PAH: variants seen among roughly 807,000 people sequenced by gnomAD.
The protein encoded by PAH is phenylalanine-4-hydroxylase.
PAH carries 64 observed loss-of-function variants against 62.0 expected under a neutral mutation model. The ratio of observed to expected loss-of-function variants is 1.03; its 90% CI spans 0.84 to 1.27. The LOEUF (loss-of-function observed/expected upper bound fraction) is 1.27, where lower values mean the gene tolerates loss of function less well. PAH is among the 50% of genes most tolerant of loss of function. The probability of loss-of-function intolerance (pLI) is 0.00; values close to 1 mark genes in which losing one functional copy is unlikely to be tolerated. For synonymous variants in PAH, 195 were observed against 196.2 expected, an observed-to-expected ratio of 0.99 and a Z score of 0.05; for missense variants, 579 against 542.8, an observed-to-expected ratio of 1.07 and a Z score of -0.66.
rs564518414 is a variant in PAH, at chr12:102,937,973, G to C, written c.-96+12616C>G. ...CTAGGATAAACATTTTTTTCCAGAG[G>C]GTAGGTGCCAAGATGGCTGACCGAA... On this transcript the variant is annotated intron_variant, in intron 1 of 3. Transcript: ENST00000546844. Among the ~76,000 whole-genome samples, 8 of 152,200 alleles carry C rather than the reference G, an allele frequency of 5.3e-5. No individual in the cohort carries two copies. The East Asian group carries it at 1.5e-3, about 29-fold the overall frequency.
At chr12:102,850,794 A>G (rs983037063) in intron 8 of PAH, among the ~76,000 whole-genome samples, 1 of 152,022 alleles carries the variant, frequency 6.6e-6, no homozygotes, top group African/African-American at 2.4e-5. Flanking sequence ...TCAGCCCAAA[A>G]CTTTCTTTTT....
chr12:102,861,271 C>T (rs1193654518), intron 5 of PAH, among the ~76,000 whole-genome samples: 1 of 152,170 alleles, frequency 6.6e-6, no homozygotes, highest in East Asian at 1.9e-4. Context: ...CAAATCAAAA[C>T]CACAGTGAGA....
rs1399391938 is a variant in PAH at position 102,957,561 on chromosome 12, A to G, written c.-96+634T>C. 8.3e-4 allele frequency: 27 copies of G among 32,572 alleles called. No individual in the cohort carries two copies. The highest frequency in any genetic ancestry group is 0.017 in the Middle Eastern group (1 of 58). The allele number at this position is 32,572 out of a possible 1,614,324, so 2.0% of individuals were successfully genotyped here. A position where few individuals can be genotyped will look rare whatever the true frequency, so the allele number is the denominator to read the frequency against. ...AGGAAGAGGTAAGAGGAGGGGGGGGAGTGGGGGCTGCAGCCGCTCGCTGCA... is the reference window on the plus strand; with the variant it reads ...AGGAAGAGGTAAGAGGAGGGGGGGGGGTGGGGGCTGCAGCCGCTCGCTGCA... On this transcript the variant is annotated intron_variant, in intron 1 of 4. Coordinates refer to the PAH transcript ENST00000551337. This position sits in a 1 kb window ranked among gnomAD's most constrained non-coding sequence, Gnocchi z 4.1.
intron 3 of PAH, among the ~76,000 whole-genome samples, chr12:102,879,290 G>A (rs914984601): frequency 1.3e-5 from 2 of 151,910 alleles, no homozygotes; most frequent in Non-Finnish European, 2.9e-5. Context: ...AGCAAAGGGC[G>A]CCGCTCAGCG....
At chr12:102,908,662 CATATGAA>C (rs1182446060) in intron 2 of PAH, among the ~76,000 whole-genome samples, 7 of 51,704 alleles carry the variant, frequency 1.4e-4, no homozygotes, top group Non-Finnish European at 2.3e-4. Context: ...CCATTATGAA[CATATGAA>C]CATCTTACAT....
In PAH at chr12:102,903,198, TA is replaced by T. The variant is rs553210084; in HGVS notation, c.169-8281del. ...CAACATAGTGAAACCCCGTCTCAAC[TA>T]AAAATACAAAAATTAGCCAGGCATA... On this transcript the variant is annotated intron_variant, in intron 2 of 12. Coordinates refer to ENST00000553106, the MANE Select transcript of PAH (RefSeq NM_000277.3). Among the ~76,000 whole-genome samples, 5 of 152,040 alleles carry T rather than the reference TA, an allele frequency of 3.3e-5. No individual in the cohort carries two copies. The East Asian group carries it at 9.7e-4, about 29-fold the overall frequency.
At chr12:102,936,247 T>C (rs1879094987) in intron 1 of PAH, among the ~76,000 whole-genome samples, 1 of 152,154 alleles carries the variant, frequency 6.6e-6, no homozygotes, top group Non-Finnish European at 1.5e-5. Context: ...TCAGAGAAGA[T>C]ACTTAATATA....
chr12:102,949,274 T>C (rs1472643624), intron 1 of PAH, among the ~76,000 whole-genome samples: 1 of 152,160 alleles, frequency 6.6e-6, no homozygotes, highest in Non-Finnish European at 1.5e-5. Context: ...CCAAGAGCCA[T>C]AATCCTGGCA....
chr12:102,879,026 C>T (rs1028710436), intron 3 of PAH, among the ~76,000 whole-genome samples: 5 of 151,968 alleles, frequency 3.3e-5, no homozygotes, highest in East Asian at 3.9e-4. Flanking sequence ...GAAATGAGGT[C>T]GAGGGGAAGA....
At chr12:102,924,464 TA>T (rs543303665) in intron 1 of PAH, among the ~76,000 whole-genome samples, 92 of 152,314 alleles carry the variant, frequency 6.0e-4, no homozygotes, top group Non-Finnish European at 1.2e-3. Context: ...ATGGCATTTC[TA>T]TATATCTTGG....
At chr12:102,951,059 G>T (rs746198219), upstream of PAH, among the ~76,000 whole-genome samples, 9 of 56,512 alleles carry the variant, frequency 1.6e-4, no homozygotes, top group Non-Finnish European at 2.5e-4. Context: ...GTTTGTGCGT[G>T]GGGGGGGAAG....
At chr12:102,856,935 T>A (rs1013353605) in intron 5 of PAH, among the ~76,000 whole-genome samples, 32 of 152,252 alleles carry the variant, frequency 2.1e-4, no homozygotes, top group African/African-American at 7.5e-4. Context: ...CCTCTCCCCG[T>A]CCAAAGGAAC....
At chr12:102,889,809 G>A (rs1440288112) in intron 3 of PAH, among the ~76,000 whole-genome samples, 1 of 152,194 alleles carries the variant, frequency 6.6e-6, no homozygotes, top group Admixed American at 6.5e-5. Context: ...CTCTCTCCAC[G>A]TAGGAATTTT....
chr12:102,906,494 C>T lies in PAH; in HGVS notation c.168+6297G>A, dbSNP rs548455106. ...GGGATGATAAATAAAATATGATACA[C>T]AGATATTAAGAACTATACTTCAGAG... is the stretch of plus-strand genomic sequence containing the variant. On this transcript the variant is annotated intron_variant, in intron 2 of 12. Coordinates refer to ENST00000553106, the MANE Select transcript of PAH (RefSeq NM_000277.3). Among the ~76,000 whole-genome samples, 45 of 152,192 alleles carry T rather than the reference C, an allele frequency of 3.0e-4. 1 individual carries two copies. The highest frequency in any genetic ancestry group is 2.0e-3 in the Admixed American group (31 of 15,282).
intron 1 of PAH, among the ~76,000 whole-genome samples, chr12:102,924,741 AGTGTTCCTTGGCT>A (rs1287635526): frequency 6.6e-6 from 1 of 152,160 alleles, no homozygotes; most frequent in Non-Finnish European, 1.5e-5. Context: ...TCCTAAGCTC[AGTGTTCCTTGGCT>A]GTGAAACTGT....
At chr12:102,890,898 C>T (rs1366809635) in intron 3 of PAH, among the ~76,000 whole-genome samples, 1 of 152,146 alleles carries the variant, frequency 6.6e-6, no homozygotes, top group African/African-American at 2.4e-5. Context: ...GCCTGAACAA[C>T]ATGGCGAAAC....
At chr12:102,871,099 A>C (rs1876297394) in intron 4 of PAH, among the ~76,000 whole-genome samples, 1 of 152,202 alleles carries the variant, frequency 6.6e-6, no homozygotes, top group South Asian at 2.1e-4. Flanking sequence ...GCTGCTGGGT[A>C]AGTGGCCTCT....
At chr12:102,853,368 A>ACC in intron 6 of PAH, 23 of 323,534 alleles carry the variant, frequency 7.1e-5, no homozygotes, top group South Asian at 2.2e-4. Context: ...CCAGAAGGGA[A>ACC]GAGTATGGAT....
exon 1 of PAH, chr12:102,958,197 C>G (rs889336481): frequency 2.5e-5 from 35 of 1,400,188 alleles, no homozygotes; most frequent in East Asian, 1.2e-4. Context: ...CCCCGCACCT[C>G]GCGTCCCGGA....
Sources: allele counts gnomAD v4.1 joint callset (sites outside exome capture counted in the v4.1 genomes callset), GRCh38; gene constraint gnomAD v4.1.1; non-coding constraint Gnocchi (gnomAD v3.1); transcripts MANE v1.5; gene names NCBI Gene and HGNC (gene_info 2026-07-23, HGNC 2026-07-21).